CSMD1: variants seen among roughly 807,000 people sequenced by gnomAD.
CSMD1 encodes the protein CUB and sushi domain-containing protein 1.
In CSMD1, 213 loss-of-function variants were observed where a neutral mutation model predicts 417.5. The observed-to-expected ratio is 0.51, with a 90% CI of 0.46 to 0.57. CSMD1 has a LOEUF of 0.57. CSMD1 is among the 20% of genes least tolerant of loss of function. The probability of loss-of-function intolerance (pLI) is 0.00; values close to 1 mark genes in which losing one functional copy is unlikely to be tolerated. For missense variants in CSMD1, 6,923 were observed against 4,529.7 expected, an observed-to-expected ratio of 1.53 and a Z score of -15.17; for synonymous variants, 2,862 against 1,736.8, an observed-to-expected ratio of 1.65 and a Z score of -16.11.
At chr8:3,735,968 T>C (rs1279473328) in intron 6 of CSMD1, among the ~76,000 whole-genome samples, 1 of 151,820 alleles carries the variant, frequency 6.6e-6, no homozygotes, top group African/African-American at 2.4e-5. Flanking sequence ...GACAGGTAAA[T>C]GGGTAAAATA....
intron 3 of CSMD1, among the ~76,000 whole-genome samples, chr8:4,280,752 AT>A (rs1330832623): frequency 1.3e-5 from 2 of 152,216 alleles, no homozygotes; most frequent in African/African-American, 4.8e-5. Context: ...TAGTACCCAT[AT>A]TTTTAAAAAC....
intron 1 of CSMD1, among the ~76,000 whole-genome samples, chr8:4,805,652 A>C (rs896691456): frequency 1.3e-5 from 2 of 152,202 alleles, no homozygotes; most frequent in African/African-American, 2.4e-5. Context: ...CCATCTTTAA[A>C]CACATAAATT....
At chr8:4,578,760 G>A (rs1372520696) in intron 2 of CSMD1, among the ~76,000 whole-genome samples, 2 of 146,748 alleles carry the variant, frequency 1.4e-5, no homozygotes, top group Non-Finnish European at 3.0e-5. Flanking sequence ...GTTGCAGTGA[G>A]CTGAAATCGT....
At chr8:4,223,429 C>T (rs1432921826) in intron 3 of CSMD1, among the ~76,000 whole-genome samples, 3 of 152,236 alleles carry the variant, frequency 2.0e-5, no homozygotes, top group South Asian at 2.1e-4. Flanking sequence ...GCCAGGGATA[C>T]GTGACGAATA....
intron 3 of CSMD1, among the ~76,000 whole-genome samples, chr8:4,072,001 T>C (rs923673015): frequency 2.0e-5 from 3 of 152,198 alleles, no homozygotes; most frequent in Non-Finnish European, 2.9e-5. Flanking sequence ...CCTCATTTTC[T>C]GGTGGATGTG....
intron 1 of CSMD1, among the ~76,000 whole-genome samples, chr8:4,742,095 A>G (rs1386031006): frequency 7.8e-6 from 1 of 128,080 alleles, no homozygotes; most frequent in Admixed American, 1.0e-4. Flanking sequence ...CAGTGGCGCA[A>G]TCTCGGCTCA....
At chr8:4,108,946 CCA>C (rs1801711949) in intron 3 of CSMD1, among the ~76,000 whole-genome samples, 1 of 152,094 alleles carries the variant, frequency 6.6e-6, no homozygotes, top group African/African-American at 2.4e-5. Context: ...TAGAAATTGT[CCA>C]TTTATGTATA....
chr8:3,225,256 C>G (rs1385222830), intron 27 of CSMD1, among the ~76,000 whole-genome samples: 5 of 152,170 alleles, frequency 3.3e-5, no homozygotes. Context: ...TATACTCTCA[C>G]AGTCTAACTG....
Position 4,364,200 on chromosome 8 carries a change from A to G in CSMD1, c.415+55753T>C, listed in dbSNP as rs193211676. Among the ~76,000 whole-genome samples the G allele has an allele frequency of 5.0e-3, 759 of 152,350 alleles. 7 individuals are homozygous for G. Among genetic ancestry groups the G allele is most frequent in the African/African-American group, 0.016 (671 of 41,584 alleles). Reference sequence around the variant, plus strand: ...CTAAATGCCCACAAAAATTTAAAAAATAAGTTATTGTAAAAATAAGTAGTT... The same window carrying G: ...CTAAATGCCCACAAAAATTTAAAAAGTAAGTTATTGTAAAAATAAGTAGTT... On this transcript the variant is annotated intron_variant, in intron 3 of 69. Coordinates refer to ENST00000635120, the MANE Select transcript of CSMD1 (RefSeq NM_033225.6).
chr8:4,399,582 C>T (rs1414277636), intron 3 of CSMD1, among the ~76,000 whole-genome samples: 1 of 151,882 alleles, frequency 6.6e-6, no homozygotes, highest in East Asian at 1.9e-4. Flanking sequence ...GTCTTTATAC[C>T]ACCCCTGGAT....
intron 1 of CSMD1, among the ~76,000 whole-genome samples, chr8:4,798,550 G>A (rs889543746): frequency 6.6e-6 from 1 of 152,112 alleles, no homozygotes; most frequent in African/African-American, 2.4e-5. Context: ...CTAGTCACAG[G>A]CAAGCTAAGG....
At chr8:3,494,708 G>T (rs1410427139) in intron 10 of CSMD1, among the ~76,000 whole-genome samples, 1 of 129,990 alleles carries the variant, frequency 7.7e-6, no homozygotes, top group Non-Finnish European at 1.7e-5. Context: ...GAGAGAGAGA[G>T]AGATGTAACA....
chr8:3,726,730 A>G (rs78209547), intron 6 of CSMD1, among the ~76,000 whole-genome samples: 6,181 of 152,236 alleles, frequency 0.041, 174 homozygotes, highest in African/African-American at 0.063. Context: ...TGAATACCAG[A>G]GGGAACTTGC....
chr8:3,838,800 T>C (rs1305582708), intron 5 of CSMD1, among the ~76,000 whole-genome samples: 2 of 110,520 alleles, frequency 1.8e-5, no homozygotes, highest in Non-Finnish European at 3.3e-5. Context: ...TATAGTATAA[T>C]ATATAATAAT....
chr8:4,155,841 T>C (rs557088891), intron 3 of CSMD1, among the ~76,000 whole-genome samples: 5 of 152,216 alleles, frequency 3.3e-5, no homozygotes, highest in East Asian at 1.9e-4. Flanking sequence ...TCCTCTTAAA[T>C]AAGGCAAAAT....
intron 3 of CSMD1, among the ~76,000 whole-genome samples, chr8:4,380,118 G>A (rs904446959): frequency 6.6e-6 from 1 of 152,194 alleles, no homozygotes; most frequent in Non-Finnish European, 1.5e-5. Flanking sequence ...CAAATTCCTT[G>A]TGTTGAATTC....
chr8:3,988,932 C>G (rs140346575), intron 5 of CSMD1, among the ~76,000 whole-genome samples: 1 of 152,174 alleles, frequency 6.6e-6, no homozygotes, highest in Non-Finnish European at 1.5e-5. Context: ...GAGAAGTTAA[C>G]AGCTTTTATA....
intron 12 of CSMD1, among the ~76,000 whole-genome samples, chr8:3,442,800 T>C (rs1198139203): frequency 1.3e-5 from 2 of 152,136 alleles, no homozygotes; most frequent in Non-Finnish European, 2.9e-5. Flanking sequence ...AATTTTTGTG[T>C]CTATATTTAT....
intron 5 of CSMD1, among the ~76,000 whole-genome samples, chr8:3,881,457 A>G (rs1321262893): frequency 6.6e-6 from 1 of 151,804 alleles, no homozygotes; most frequent in Non-Finnish European, 1.5e-5. Context: ...CAAGATGGTG[A>G]AACCCTGTCT....
Sources: allele counts gnomAD v4.1 joint callset (sites outside exome capture counted in the v4.1 genomes callset), GRCh38; gene constraint gnomAD v4.1.1; transcripts MANE v1.5; gene names NCBI Gene and HGNC (gene_info 2026-07-23, HGNC 2026-07-21).